Variants in TNFRSF1B observed in about 807,000 individuals in gnomAD.
TNFRSF1B encodes the protein tumor necrosis factor receptor superfamily member 1B.
A neutral mutation model predicts 44.6 loss-of-function variants in TNFRSF1B; 19 were observed. That is an observed-to-expected ratio of 0.43 (90% CI 0.30 to 0.62). The LOEUF (loss-of-function observed/expected upper bound fraction) is 0.62. Ranked by LOEUF, TNFRSF1B falls within the 20% of genes least tolerant of loss-of-function variation. TNFRSF1B has a pLI of 0.16. For missense variants in TNFRSF1B, 541 were observed against 619.9 expected (o/e 0.87, Z 1.35); for synonymous variants, 252 against 261.1 (o/e 0.97, Z 0.34).
At chr1:12,185,011 C>G (rs1015233000) in intron 1 of TNFRSF1B, among the ~76,000 whole-genome samples, 3 of 152,300 alleles carry the variant, frequency 2.0e-5, no homozygotes, top group Middle Eastern at 6.8e-3. Context: ...ATAGGCACAG[C>G]CCCTGCCCTT....
intron 1 of TNFRSF1B, among the ~76,000 whole-genome samples, chr1:12,188,234 G>C (rs603151): frequency 0.22 from 33,295 of 152,082 alleles, 3,764 homozygotes; most frequent in South Asian, 0.25. Context: ...GGGGGTGGAA[G>C]GACAAGCAAG....
At chr1:12,174,130 TC>T (rs1638582496) in intron 1 of TNFRSF1B, among the ~76,000 whole-genome samples, 5 of 62,242 alleles carry the variant, frequency 8.0e-5, no homozygotes, top group Non-Finnish European at 1.6e-4. Flanking sequence ...CATTTCTTCT[TC>T]TTCTTCTTCT....
At position 12,205,408 on chromosome 1, in the gene TNFRSF1B, G is replaced by A. The variant is rs554137497; in HGVS notation, c.1106-1332G>A. ...CAGATCAGACAGGGCCTGGTAGGCT[G>A]TAGCAAGGACTGTGGGTTTTTGAGC... is the stretch of plus-strand genomic sequence containing the variant. On this transcript the variant is annotated intron_variant, in intron 9 of 9. Transcript: ENST00000376259. Among the ~76,000 whole-genome samples the A allele has an allele frequency of 8.5e-5, 13 of 152,260 alleles. No homozygotes were observed. The South Asian group carries it at 2.7e-3, about 32-fold the overall frequency.
intron 2 of TNFRSF1B, among the ~76,000 whole-genome samples, chr1:12,189,936 T>C (rs1464901638): frequency 6.6e-6 from 1 of 152,158 alleles, no homozygotes; most frequent in Non-Finnish European, 1.5e-5. Flanking sequence ...AGTCGGAGCC[T>C]GTTTGGTGAG....
chr1:12,206,541 T>C (rs1055993147), intron 9 of TNFRSF1B, among the ~76,000 whole-genome samples, 199 bp from the exon 10 acceptor site: 13 of 152,144 alleles, frequency 8.5e-5, no homozygotes, highest in Non-Finnish European at 1.6e-4. Context: ...GCTATTCTTA[T>C]TCGGCAGAGG....
At chr1:12,173,222 C>G (rs1032239071) in intron 1 of TNFRSF1B, among the ~76,000 whole-genome samples, 1 of 152,130 alleles carries the variant, frequency 6.6e-6, no homozygotes, top group South Asian at 2.1e-4. Context: ...GGTTCCAATG[C>G]TTTCCTAGAA....
intron 1 of TNFRSF1B, among the ~76,000 whole-genome samples, chr1:12,172,219 G>A (rs754888993): frequency 9.2e-5 from 14 of 152,174 alleles, no homozygotes; most frequent in South Asian, 4.1e-4. Flanking sequence ...GTGGCTCCCC[G>A]TTCTGGACCC....
chr1:12,194,303 G>T (rs376618055), intron 7 of TNFRSF1B, among the ~76,000 whole-genome samples: 1 of 152,168 alleles, frequency 6.6e-6, no homozygotes, highest in African/African-American at 2.4e-5. Flanking sequence ...TGCAGCAGGT[G>T]GTCTCTGAGC....
chr1:12,196,665 C>T (rs1639272619), intron 8 of TNFRSF1B, among the ~76,000 whole-genome samples: 1 of 152,238 alleles, frequency 6.6e-6, no homozygotes, highest in Non-Finnish European at 1.5e-5. Context: ...TCTCTGGACT[C>T]CCATCTCAGT....
rs1358078702 is a variant in TNFRSF1B, at chr1:12,186,782, G to T, written c.79-2014G>T. 6.6e-6 allele frequency among the ~76,000 whole-genome samples: 1 copy of T among 152,244 alleles called. No individual in the cohort carries two copies. The highest frequency in any genetic ancestry group is 1.9e-4 in the East Asian group (1 of 5,200). ...AGAACTGCCCTTTGTTCATTTCCAG[G>T]TGACGCATCTGTGGGGGCCCCTGAA... On this transcript the variant is annotated intron_variant, in intron 1 of 9. Transcript: ENST00000376259. The surrounding 1 kb of genome is among the most constrained non-coding windows in gnomAD (Gnocchi z 4.8).
At chr1:12,188,425 G>A (rs769645646) in intron 1 of TNFRSF1B, among the ~76,000 whole-genome samples, 20 of 151,938 alleles carry the variant, frequency 1.3e-4, no homozygotes, top group Non-Finnish European at 2.6e-4. Context: ...GGAAGGAGAG[G>A]TATCTTCCTT....
In TNFRSF1B at chr1:12,193,024, G is replaced by C; in HGVS notation, c.713G>C (p.Ser238Thr). 1 of 1,614,200 alleles carries C rather than the reference G, an allele frequency of 6.2e-7. No homozygotes were observed. Among genetic ancestry groups the C allele is most frequent in the Non-Finnish European group, 8.5e-7 (1 of 1,180,036 alleles). ...QPTPEPSTAP[S>T]TSFLLPMGPS... ...ACTCCAGAACCCAGCACTGCTCCAA[G>C]CACCTCCTTCCTGCTCCCAATGGGC... The change falls in exon 6 of 10, where the codon AGC becomes ACC. Residue 238 changes from serine to threonine, a missense_variant. Physicochemically the swap from Ser to Thr is moderately conservative, Grantham distance 58 (BLOSUM62 1). Coordinates refer to ENST00000376259, the MANE Select transcript of TNFRSF1B (RefSeq NM_001066.3).
Position 12,168,436 on chromosome 1 carries a change from G to T in TNFRSF1B, c.78+1267G>T, listed in dbSNP as rs563347710. Among the ~76,000 whole-genome samples, 6 of 152,322 alleles carry T rather than the reference G, an allele frequency of 3.9e-5. No homozygotes were observed. The East Asian group carries it at 9.6e-4, about 24-fold the overall frequency. On this transcript the variant is annotated intron_variant, in intron 1 of 9. Coordinates refer to ENST00000376259, the MANE Select transcript of TNFRSF1B (RefSeq NM_001066.3). This position sits in a 1 kb window ranked among gnomAD's most constrained non-coding sequence, Gnocchi z 4.7. ...AACTGCCCCAGAGTAAGTCCTGGGT[G>T]GCCTTTGGGTCAGGAGAGTCCCCAC...
chr1:12,194,973 C>T (rs573971331), intron 8 of TNFRSF1B, among the ~76,000 whole-genome samples: 9 of 152,230 alleles, frequency 5.9e-5, no homozygotes, highest in East Asian at 1.9e-4. Flanking sequence ...TGGTGCCATT[C>T]GGTCAGCTGA....
At position 12,206,733 on chromosome 1, in the gene TNFRSF1B, T is replaced by G. The variant is rs1557642615; in HGVS notation, c.1106-7T>G. 6.3e-7 allele frequency: 1 copy of G among 1,576,162 alleles called. No homozygotes were observed. The highest frequency in any genetic ancestry group is 2.3e-5 in the East Asian group (1 of 44,184). ...GACTGACCCCCACCCCATCTTGTGCTTAGCAGATTCTTCCCCTGGTGGCCA... is the reference window on the plus strand; with the variant it reads ...GACTGACCCCCACCCCATCTTGTGCGTAGCAGATTCTTCCCCTGGTGGCCA... On this transcript the variant is annotated splice_region_variant and splice_polypyrimidine_tract_variant and intron_variant, in intron 9 of 9. Coordinates refer to ENST00000376259, the MANE Select transcript of TNFRSF1B (RefSeq NM_001066.3).
chr1:12,202,098 T>C lies in TNFRSF1B; in HGVS notation c.1032T>C (p.Thr344=). 1 of 1,578,002 alleles carries C rather than the reference T, an allele frequency of 6.3e-7. No homozygotes were observed. The part of the protein sequence containing the change: ...SASALDRRAP[T]RNQPQAPGVE... Reference sequence around the variant, plus strand: ...GTGCGTTGGACAGAAGGGCGCCCACTCGGAACCAGCCACAGGCACCAGGCG... The same window carrying C: ...GTGCGTTGGACAGAAGGGCGCCCACCCGGAACCAGCCACAGGCACCAGGCG... Residue 344 remains threonine (T), a synonymous_variant, in exon 9 of 10, where the codon ACT becomes ACC. Coordinates refer to ENST00000376259, the MANE Select transcript of TNFRSF1B (RefSeq NM_001066.3).
chr1:12,201,955 C>T lies in TNFRSF1B; in HGVS notation c.901-12C>T. On this transcript the variant is annotated splice_polypyrimidine_tract_variant and intron_variant, in intron 8 of 9. Coordinates refer to ENST00000376259, the MANE Select transcript of TNFRSF1B (RefSeq NM_001066.3). ...GCTGACTGCTCTCCCCTACCACCCC[C>T]TGCCCATCCAGCCTCACTTGCCTGC... 6.3e-7 allele frequency: 1 copy of T among 1,599,276 alleles called. No individual in the cohort carries two copies. The highest frequency in any genetic ancestry group is 8.5e-7 in the Non-Finnish European group (1 of 1,171,854).
intron 1 of TNFRSF1B, among the ~76,000 whole-genome samples, chr1:12,185,275 AGGAGC>A (rs1003370058): frequency 1.3e-5 from 2 of 151,992 alleles, no homozygotes; most frequent in Middle Eastern, 3.2e-3. Context: ...TGTTCTGCAA[AGGAGC>A]GTGAGAATCA....
chr1:12,191,948 G>C (rs1366273620), intron 4 of TNFRSF1B, 25 bp downstream of exon 4: 3 of 1,601,512 alleles, frequency 1.9e-6, no homozygotes. Context: ...TCAGGTCCTT[G>C]GGGACGCCCA....
Sources: allele counts gnomAD v4.1 joint callset (sites outside exome capture counted in the v4.1 genomes callset), GRCh38; gene constraint gnomAD v4.1.1; non-coding constraint Gnocchi (gnomAD v3.1); transcripts MANE v1.5; gene names NCBI Gene and HGNC (gene_info 2026-07-23, HGNC 2026-07-21).